NGRN: variants seen among roughly 807,000 people sequenced by gnomAD.
NGRN encodes the protein neugrin, neurite outgrowth associated.
A neutral mutation model predicts 13.1 loss-of-function variants in NGRN; 12 were observed. The ratio of observed to expected loss-of-function variants is 0.92; its 90% confidence interval spans 0.59 to 1.49. The LOEUF is 1.49. Ranked by LOEUF, NGRN falls within the 40% of genes most tolerant of loss-of-function variation. NGRN has a pLI of 0.00. For synonymous variants in NGRN, 149 were observed against 145.8 expected (o/e 1.02, Z -0.16); for missense variants, 397 against 357.0 (o/e 1.11, Z -0.90).
At position 90,270,113 on chromosome 15, in the gene NGRN, C is replaced by G. The variant is rs557462919; in HGVS notation, c.276-1075C>G. Among the ~76,000 whole-genome samples, 8 of 152,168 alleles carry G rather than the reference C, an allele frequency of 5.3e-5. No homozygotes were observed. The South Asian group carries it at 1.7e-3, about 32-fold the overall frequency. On this transcript the variant is annotated intron_variant, in intron 2 of 2. Transcript: ENST00000379095. ...GGATCTCCCTGTTTCCCAGGCTGGTCTCGAACTCCTGGGCTCAAGCAATCC... is the reference window on the plus strand; with the variant it reads ...GGATCTCCCTGTTTCCCAGGCTGGTGTCGAACTCCTGGGCTCAAGCAATCC...
chr15:90,265,960 TCCTGCCGCTGCTTGCGCAGCGGC>T, intron 1 of NGRN, 84 bp downstream of exon 1: 1 of 1,428,252 alleles, frequency 7.0e-7, no homozygotes, highest in Non-Finnish European at 9.1e-7. Flanking sequence ...GCGCCGGGTG[TCCTGCCGCTGCTTGCGCAGCGGC>T]CCTTGTTTCT....
Position 90,271,472 on chromosome 15 carries a change from A to G in NGRN, c.560A>G (p.His187Arg), listed in dbSNP as rs566973503. The G allele has an allele frequency of 6.2e-7, 1 of 1,614,092 alleles. No individual in the cohort carries two copies. Among genetic ancestry groups the G allele is most frequent in the Non-Finnish European group, 8.5e-7 (1 of 1,180,032 alleles). Reference sequence around the variant, plus strand: ...GAAGCCTCATCTAAAGACCCAAATCACAGCACAGCTTTGAAAGTGATAGAG... The same window carrying G: ...GAAGCCTCATCTAAAGACCCAAATCGCAGCACAGCTTTGAAAGTGATAGAG... The part of the protein sequence containing the change: ...GHEASSKDPN[H>R]STALKVIESD... Residue 187 changes from histidine to arginine, a missense_variant, in exon 3 of 3, where the codon CAC becomes CGC. By Grantham distance (29) the His-to-Arg change is conservative. Transcript: ENST00000379095.
intron 2 of NGRN, among the ~76,000 whole-genome samples, chr15:90,267,183 C>A (rs555412499): frequency 3.9e-5 from 6 of 152,172 alleles, no homozygotes; most frequent in African/African-American, 1.4e-4. Flanking sequence ...AGGTGCATGC[C>A]ACCATGCTTG....
At chr15:90,266,049 G>T (rs1963412917) in intron 1 of NGRN, 173 bp downstream of exon 1, 1 of 1,421,676 alleles carries the variant, frequency 7.0e-7, no homozygotes, top group East Asian at 2.6e-5. Context: ...GGGACCACTG[G>T]TCCCTTCATT....
chr15:90,266,019 G>T, intron 1 of NGRN, 143 bp downstream of exon 1: 1 of 1,408,962 alleles, frequency 7.1e-7, no homozygotes, highest in Non-Finnish European at 9.2e-7. Context: ...GGGGCGCAGC[G>T]TCAGGTGTTC....
intron 2 of NGRN, among the ~76,000 whole-genome samples, chr15:90,268,586 AC>A (rs1963461395): frequency 6.6e-6 from 1 of 151,944 alleles, no homozygotes; most frequent in African/African-American, 2.4e-5. Context: ...TCTGTCCTCA[AC>A]CTAAAGCTCT....
chr15:90,270,860 C>G (rs1315194380), intron 2 of NGRN, among the ~76,000 whole-genome samples: 1 of 152,154 alleles, frequency 6.6e-6, no homozygotes, highest in Admixed American at 6.5e-5. Flanking sequence ...GAGAGTCTCA[C>G]TCTGTTGCCC....
intron 2 of NGRN, among the ~76,000 whole-genome samples, chr15:90,269,651 C>G (rs970674014): frequency 2.6e-5 from 4 of 152,144 alleles, no homozygotes; most frequent in Non-Finnish European, 5.9e-5. Context: ...CTTATGACTT[C>G]CAAATCTGTC....
chr15:90,269,105 C>T (rs540436699), intron 2 of NGRN, among the ~76,000 whole-genome samples: 5 of 138,872 alleles, frequency 3.6e-5, no homozygotes, highest in African/African-American at 8.1e-5. Flanking sequence ...AAGTGATTGT[C>T]GTGCCTCAGC....
rs769140302 is a variant in NGRN, at chr15:90,271,169, C to G, written c.276-19C>G. ...GGAGACTTCTTCACAACTTGCAAAC[C>G]TGCTCCTTCTTCCCGTAGGTATTTA... is the stretch of plus-strand genomic sequence containing the variant. On this transcript the variant is annotated intron_variant, in intron 2 of 2. Coordinates refer to ENST00000379095, the MANE Select transcript of NGRN (RefSeq NM_001033088.3). 7 of 1,598,388 alleles carry G rather than the reference C, an allele frequency of 4.4e-6. No individual in the cohort carries two copies. In the East Asian group the frequency reaches 1.3e-4, roughly 31 times the overall value.
Position 90,271,752 on chromosome 15 carries a change from C to A in NGRN, c.840C>A (p.Phe280Leu), listed in dbSNP as rs774758971. Residue 280 changes from phenylalanine (F) to leucine (L), a missense_variant, in exon 3 of 3, where the codon TTC (phenylalanine) becomes TTA (leucine). Transcript: ENST00000379095. ...AAGTAGTGCAGAGGGGCCGAGAGTTCTTTGACAGCAACGGGAACTTCCTGT... is the reference window on the plus strand; with the variant it reads ...AAGTAGTGCAGAGGGGCCGAGAGTTATTTGACAGCAACGGGAACTTCCTGT... ...SSKVVQRGRE[F>L]FDSNGNFLYR... 1 of 1,614,152 alleles carries A rather than the reference C, an allele frequency of 6.2e-7. No individual in the cohort carries two copies.
Position 90,265,729 on chromosome 15 carries a change from G to A in NGRN, c.17G>A (p.Ser6Asn), listed in dbSNP as rs752158650. 2.5e-6 allele frequency: 4 copies of A among 1,613,368 alleles called. No homozygotes were observed. The highest frequency in any genetic ancestry group is 3.4e-6 in the Non-Finnish European group (4 of 1,179,846). MAVTL[S>N]LLLGGRVCAA... ...TGCGTCGACATGGCGGTTACCCTGA[G>A]TCTCTTGCTGGGCGGGCGCGTTTGC... The change falls in exon 1 of 3, where the codon AGT (serine) becomes AAT (asparagine). Residue 6 changes from serine to asparagine, a missense_variant. Transcript: ENST00000379095.
At chr15:90,270,592 C>T (rs894705313) in intron 2 of NGRN, among the ~76,000 whole-genome samples, 2 of 152,166 alleles carry the variant, frequency 1.3e-5, no homozygotes, top group African/African-American at 4.8e-5. Context: ...TGTCTGTCCC[C>T]ACTCCCAAAC....
In NGRN at chr15:90,271,464, C is replaced by G; in HGVS notation, c.552C>G (p.Asp184Glu). 1 of 1,614,040 alleles carries G rather than the reference C, an allele frequency of 6.2e-7. No individual in the cohort carries two copies. The highest frequency in any genetic ancestry group is 8.5e-7 in the Non-Finnish European group (1 of 1,180,012). ...LMPGHEASSK[D>E]PNHSTALKVI... ...CAGGGCATGAAGCCTCATCTAAAGA[C>G]CCAAATCACAGCACAGCTTTGAAAG... The change falls in exon 3 of 3, where the codon GAC becomes GAG. Residue 184 changes from aspartate to glutamate, a missense_variant. Physicochemically the swap from Asp to Glu is conservative, Grantham distance 45. Coordinates refer to ENST00000379095, the MANE Select transcript of NGRN (RefSeq NM_001033088.3).
intron 2 of NGRN, 95 bp downstream of exon 2, chr15:90,266,493 A>G: frequency 1.1e-6 from 1 of 903,394 alleles, no homozygotes; most frequent in South Asian, 1.6e-5. Flanking sequence ...TACTGCTTTT[A>G]TATTTTCGTT....
intron 2 of NGRN, 141 bp from the exon 3 acceptor site, chr15:90,271,047 C>A: frequency 1.0e-6 from 1 of 960,970 alleles, no homozygotes; most frequent in Non-Finnish European, 1.6e-6. Context: ...CCGCCTATCT[C>A]GGCCTCTCAG....
chr15:90,265,886 T>G lies in NGRN; in HGVS notation c.164+10T>G, dbSNP rs1596199607. 4 of 1,549,364 alleles carry G rather than the reference T, an allele frequency of 2.6e-6. No individual in the cohort carries two copies. The highest frequency in any genetic ancestry group is 2.6e-6 in the Non-Finnish European group (3 of 1,149,648). On this transcript the variant is annotated intron_variant, in intron 1 of 2. Coordinates refer to ENST00000379095, the MANE Select transcript of NGRN (RefSeq NM_001033088.3). ...TGCAGGAGGTGGAGAGGTACCGGCT[T>G]CTCCCCGGGCCCTCAGCTTGAAGCA...
At chr15:90,271,043 ATC>A in intron 2 of NGRN, 143 bp from the exon 3 acceptor site, 1 of 930,922 alleles carries the variant, frequency 1.1e-6, no homozygotes, top group Non-Finnish European at 1.6e-6. Context: ...TGATCCGCCT[ATC>A]TCGGCCTCTC....
chr15:90,266,535 A>G (rs1323140318), intron 2 of NGRN, 137 bp downstream of exon 2: 1 of 664,206 alleles, frequency 1.5e-6, no homozygotes, highest in Non-Finnish European at 2.6e-6. Context: ...ATTATCAGAA[A>G]AGTAGAGTAA....
Sources: allele counts gnomAD v4.1 joint callset (sites outside exome capture counted in the v4.1 genomes callset), GRCh38; gene constraint gnomAD v4.1.1; transcripts MANE v1.5; gene names NCBI Gene and HGNC (gene_info 2026-07-23, HGNC 2026-07-21).